The following HLA-DRB1 variants were observed in gnomAD, a reference collection of about 807,000 sequenced individuals.
The protein encoded by HLA-DRB1 is major histocompatibility complex, class II, DR beta 1 precursor.
A neutral mutation model predicts 27.9 loss-of-function variants in HLA-DRB1; 10 were observed. The ratio of observed to expected loss-of-function variants is 0.36; its 90% CI spans 0.22 to 0.61. The LOEUF is 0.61. Among genes scored for constraint, HLA-DRB1 ranks in the 20% least tolerant of loss-of-function variants. HLA-DRB1 has a pLI of 0.73. For missense variants in HLA-DRB1, 118 were observed against 306.3 expected (o/e 0.39, Z 4.59); for synonymous variants, 57 against 126.7 (o/e 0.45, Z 3.69).
intron 1 of HLA-DRB1, among the ~76,000 whole-genome samples, chr6:32,585,130 G>C (rs9270007): frequency 0.6 from 57,259 of 95,610 alleles, 20,459 homozygotes; most frequent in Admixed American, 0.68. Flanking sequence ...TTGTGTTCTT[G>C]AACACATGCC....
intron 1 of HLA-DRB1, among the ~76,000 whole-genome samples, chr6:32,589,423 A>T: frequency 1.1e-5 from 1 of 93,978 alleles, no homozygotes; most frequent in African/African-American, 4.5e-5. Flanking sequence ...AGATTTGAAA[A>T]GAAATGATTT....
chr6:32,589,637 A>G lies in HLA-DRB1; in HGVS notation c.100+6T>C, dbSNP rs199613467. The G allele has an allele frequency of 0.016, 11,915 of 744,226 alleles. 367 individuals are homozygous for G. The highest frequency in any genetic ancestry group is 0.056 in the Admixed American group (1,373 of 24,626). 46.1% of individuals were successfully genotyped at this position (744,226 alleles called of 1,614,324 possible). A position where few individuals can be genotyped will look rare whatever the true frequency, so the allele number is the denominator to read the frequency against. On this transcript the variant is annotated splice_donor_region_variant and intron_variant, in intron 1 of 5. Coordinates refer to ENST00000360004, the Ensembl canonical transcript of HLA-DRB1. ...TAGTAGCTCAGCACCCGCAATGTGC[A>G]CTTACGTCGGGTGTCCCCAGACAAA... is the stretch of plus-strand genomic sequence containing the variant.
rs1247560695 is a variant in HLA-DRB1 at position 32,584,451 on chromosome 6, G to T, written c.101-73C>A. ...CACGGACAGCGACGCCACCATCCGG[G>T]GCTCCCTGAGCGGGGTGCGGGCGCT... is the stretch of plus-strand genomic sequence containing the variant. On this transcript the variant is annotated intron_variant, in intron 1 of 5. Transcript: ENST00000360004. 2.5e-5 allele frequency: 17 copies of T among 670,606 alleles called. 1 individual carries two copies. The highest frequency in any genetic ancestry group is 3.3e-5 in the Non-Finnish European group (15 of 453,046). The allele number at this position is 670,606 out of a possible 1,614,324, so 41.5% of individuals were successfully genotyped here. A position where few individuals can be genotyped will look rare whatever the true frequency, so the allele number is the denominator to read the frequency against.
intron 3 of HLA-DRB1, among the ~76,000 whole-genome samples, chr6:32,581,060 C>G (rs1462976453): frequency 2.1e-5 from 2 of 94,350 alleles, no homozygotes; most frequent in Non-Finnish European, 4.5e-5. Context: ...AATATTACAG[C>G]CTTGATGTAA....
chr6:32,588,282 C>G (rs34231427), intron 1 of HLA-DRB1, among the ~76,000 whole-genome samples: 2 of 130,368 alleles, frequency 1.5e-5, no homozygotes, highest in South Asian at 2.6e-4. Context: ...ATGGCAAAAT[C>G]TCATGTCTAC....
chr6:32,582,842 C>T (rs41283767), intron 2 of HLA-DRB1, among the ~76,000 whole-genome samples: 53,819 of 116,792 alleles, frequency 0.46, 13,822 homozygotes, highest in Middle Eastern at 0.59. Flanking sequence ...ATCCCCGACA[C>T]TAGCATACTC....
chr6:32,587,848 G>T (rs34170802), intron 1 of HLA-DRB1, among the ~76,000 whole-genome samples: 1 of 146,722 alleles, frequency 6.8e-6, no homozygotes, highest in Non-Finnish European at 1.5e-5. Flanking sequence ...TTCCATGAGA[G>T]TAGGGACGCT....
exon 3 of HLA-DRB1, chr6:32,581,747 G>C (rs1166655947): frequency 1.3e-6 from 2 of 1,533,872 alleles, no homozygotes; most frequent in African/African-American, 1.5e-5. Context: ...CTTCAATGCT[G>C]CCTGGATAGA....
intron 3 of HLA-DRB1, among the ~76,000 whole-genome samples, 177 bp downstream of exon 3, chr6:32,581,379 GA>G (rs1775458742): frequency 1.3e-5 from 1 of 79,392 alleles, no homozygotes; most frequent in Non-Finnish European, 2.5e-5. Flanking sequence ...GCTTCTCCAG[GA>G]GGTACAGGTG....
intron 1 of HLA-DRB1, among the ~76,000 whole-genome samples, chr6:32,584,612 C>CCA (rs9281875): frequency 0.22 from 31,903 of 144,080 alleles, 1,352 homozygotes; most frequent in Middle Eastern, 0.33. Flanking sequence ...TTGGGACCCC[C>CCA]TCCCTGCCTC....
chr6:32,585,340 T>G (rs9270021), intron 1 of HLA-DRB1, among the ~76,000 whole-genome samples: 41,659 of 70,852 alleles, frequency 0.59, 15,559 homozygotes, highest in Admixed American at 0.66. Flanking sequence ...TCAAACTCTA[T>G]AATCAGAAAA....
chr6:32,580,588 T>C lies in HLA-DRB1; in HGVS notation c.763+158A>G, dbSNP rs71540441. Among the ~76,000 whole-genome samples, 1,214 of 131,842 alleles carry C rather than the reference T, an allele frequency of 9.2e-3. 34 individuals carry two copies. Among genetic ancestry groups the C allele is most frequent in the South Asian group, 0.028 (112 of 3,998 alleles). 86.5% of individuals were successfully genotyped at this position (131,842 alleles called of 152,430 possible). ...CTATTATGCTTTCACATAGTAACCA[T>C]GCACTGATGATTTCTGGATTAGCAG... On this transcript the variant is annotated intron_variant, in intron 4 of 5. Coordinates refer to ENST00000360004, the Ensembl canonical transcript of HLA-DRB1.
At chr6:32,580,573 T>G in intron 4 of HLA-DRB1, among the ~76,000 whole-genome samples, 173 bp downstream of exon 4, 2 of 132,452 alleles carry the variant, frequency 1.5e-5, no homozygotes, top group African/African-American at 2.7e-5. Context: ...CTATTATGCT[T>G]TCACATAGTA....
rs1253757804 is a variant in HLA-DRB1, at chr6:32,584,468, GC to G, written c.101-91del. On this transcript the variant is annotated intron_variant, in intron 1 of 5. Coordinates refer to ENST00000360004, the Ensembl canonical transcript of HLA-DRB1. ...CCATCCGGGGCTCCCTGAGCGGGGTGCGGGCGCTGGAACCTTAACCGGCCCC... is the reference window on the plus strand; with the variant it reads ...CCATCCGGGGCTCCCTGAGCGGGGTGGGGCGCTGGAACCTTAACCGGCCCC... 2.1e-5 allele frequency: 13 copies of G among 613,398 alleles called. 1 individual carries two copies. In the African/African-American group the frequency reaches 4.6e-4, roughly 22 times the overall value. The allele number at this position is 613,398 out of a possible 1,614,324, so 38.0% of individuals were successfully genotyped here.
intron 1 of HLA-DRB1, among the ~76,000 whole-genome samples, chr6:32,585,415 T>C (rs1464556209): frequency 7.0e-6 from 1 of 141,940 alleles, no homozygotes; most frequent in Non-Finnish European, 1.5e-5. Flanking sequence ...CTTTTTGTAA[T>C]CTATCAAATG....
chr6:32,587,985 T>C (rs28724164), intron 1 of HLA-DRB1, among the ~76,000 whole-genome samples: 12,226 of 125,336 alleles, frequency 0.098, 23 homozygotes, highest in East Asian at 0.15. Context: ...GTAGGGATCC[T>C]GGAAAGCAAG....
intron 1 of HLA-DRB1, 147 bp from the exon 2 acceptor site, chr6:32,584,525 A>G (rs9269972): frequency 0.35 from 160,537 of 463,854 alleles, 25,270 homozygotes; most frequent in Admixed American, 0.46. Flanking sequence ...GCAGCCCAGG[A>G]GCTCATCCTC....
chr6:32,582,137 T>C (rs142790902), intron 2 of HLA-DRB1, among the ~76,000 whole-genome samples: 6,726 of 113,030 alleles, frequency 0.06, 340 homozygotes, highest in Non-Finnish European at 0.074. Flanking sequence ...AAAACTGATA[T>C]TTGAGCCAGG....
chr6:32,585,533 T>A (rs9270028), intron 1 of HLA-DRB1, among the ~76,000 whole-genome samples: 4,779 of 63,376 alleles, frequency 0.075, 111 homozygotes, highest in Admixed American at 0.11. Context: ...ATTCCCATTT[T>A]AACTTTTCTG....
Sources: gnomAD v4.1 joint callset for allele counts (sites outside exome capture counted in the v4.1 genomes callset) on GRCh38, gnomAD v4.1.1 for gene constraint, MANE v1.5 for transcripts, NCBI Gene and HGNC (gene_info 2026-07-23, HGNC 2026-07-21) for gene names.